The following PKMYT1 variants were observed in gnomAD, a reference collection of about 807,000 sequenced individuals.
PKMYT1 encodes protein kinase, membrane associated tyrosine/threonine 1, also known as membrane-associated tyrosine- and threonine-specific cdc2-inhibitory kinase.
Under a neutral mutation model 49.7 loss-of-function variants are expected in PKMYT1, and 35 were observed. The ratio of observed to expected loss-of-function variants is 0.70; its 90% CI spans 0.54 to 0.93. PKMYT1 has a LOEUF of 0.93. PKMYT1 is among the 40% of genes least tolerant of loss of function. The pLI, the probability that PKMYT1 is intolerant of heterozygous loss-of-function variation, is 0.00. For synonymous variants in PKMYT1, 331 were observed against 287.6 expected (o/e 1.15, Z -1.53); for missense variants, 677 against 673.1 (o/e 1.01, Z -0.06).
At chr16:2,978,747 C>CAAA (rs145730606) in intron 2 of PKMYT1, among the ~76,000 whole-genome samples, 2 of 133,844 alleles carry the variant, frequency 1.5e-5, no homozygotes, top group Admixed American at 7.4e-5. Context: ...GACTCTGTCT[C>CAAA]AAAAAAAAAA....
rs772113802 is a variant in PKMYT1 at position 2,973,074 on chromosome 16, G to C, written c.1389-10C>G. On this transcript the variant is annotated splice_polypyrimidine_tract_variant and intron_variant, in intron 8 of 8. Transcript: ENST00000262300. ...TAGGTCCAGGGCATCCCTGGGAGGA[G>C]AGAGTAGTGACACTCAGGATCCAAA... 1 of 1,589,448 alleles carries C rather than the reference G, an allele frequency of 6.3e-7. No individual in the cohort carries two copies. The highest frequency in any genetic ancestry group is 8.6e-7 in the Non-Finnish European group (1 of 1,167,784).
rs759932344 is a variant in PKMYT1, at chr16:2,975,780, C to T, written c.411G>A (p.Ala137=). ...VRSKEDGRLY[A]VKRSMSPFRG... is the part of the protein sequence containing the mutation. Reference sequence around the variant, plus strand: ...GGAATGGTGACATGGAACGCTTTACCGCATAGAGCCGGCCGTCCTCCTTGG... The same window carrying T: ...GGAATGGTGACATGGAACGCTTTACTGCATAGAGCCGGCCGTCCTCCTTGG... Residue 137 remains alanine, a synonymous_variant, in exon 4 of 9, where the codon GCG becomes GCA. Transcript: ENST00000262300. 50 of 1,597,796 alleles carry T rather than the reference C, an allele frequency of 3.1e-5. No individual in the cohort carries two copies. The highest frequency in any genetic ancestry group is 3.9e-5 in the Non-Finnish European group (46 of 1,178,730).
rs1384373339 is a variant in PKMYT1 at position 2,973,381 on chromosome 16, G to GA, written c.1311-167_1311-166insT. The GA allele has an allele frequency of 2.6e-6, 4 of 1,539,410 alleles. No individual in the cohort carries two copies. The African/African-American group carries it at 5.5e-5, about 21-fold the overall frequency. ...GCACTCTGAAAGCAGCACTTGGACA[G>GA]CCTTCAAAGTCCTTCCATCTGGCTG... On this transcript the variant is annotated intron_variant, in intron 7 of 8. Transcript: ENST00000262300.
chr16:2,973,161 G>C lies in PKMYT1; in HGVS notation c.1365C>G (p.Thr455=). ...ACCTGGGTGTGCACCTGCTCCGGGG[G>C]GTGGAGGTGCTCCCCACAGTCCGGG... ...VLARTVGSTS[T]PRSRCTPRDA... Residue 455 remains threonine, a synonymous_variant, in exon 8 of 9, where the codon ACC becomes ACG. Transcript: ENST00000262300. 6.5e-7 allele frequency: 1 copy of C among 1,538,960 alleles called. No homozygotes were observed. Among genetic ancestry groups the C allele is most frequent in the East Asian group, 2.3e-5 (1 of 43,094 alleles).
intron 2 of PKMYT1, chr16:2,977,387 A>G: frequency 3.0e-6 from 3 of 990,444 alleles, no homozygotes; most frequent in Non-Finnish European, 2.4e-6. Flanking sequence ...TAAACTACAC[A>G]ACCTCTTCCG....
At position 2,975,556 on chromosome 16, in the gene PKMYT1, C is replaced by A. The variant is rs752072941; in HGVS notation, c.635G>T (p.Gly212Val). The part of the protein sequence containing the change: ...GASLPEAQVW[G>V]YLRDTLLALA... ...GGCAAGCAGCGTGTCCCGCAGGTAG[C>A]CCCAGACCTGGGCCTCAGGCAGGCT... Residue 212 changes from glycine to valine, a missense_variant, in exon 4 of 9, where the codon GGC becomes GTC. Gly to Val is a moderately radical substitution (Grantham distance 109). Coordinates refer to ENST00000262300, the MANE Select transcript of PKMYT1 (RefSeq NM_004203.5). The A allele has an allele frequency of 3.7e-6, 6 of 1,611,916 alleles. No homozygotes were observed. The East Asian group carries it at 1.1e-4, about 30-fold the overall frequency.
At chr16:2,976,013 C>A in intron 3 of PKMYT1, 1 of 611,310 alleles carries the variant, frequency 1.6e-6, no homozygotes, top group Non-Finnish European at 2.8e-6. Context: ...TGTGGAGACC[C>A]AGCGACGGAG....
chr16:2,978,296 TAAG>T (rs946008317), intron 2 of PKMYT1, among the ~76,000 whole-genome samples: 4 of 152,288 alleles, frequency 2.6e-5, no homozygotes, highest in South Asian at 2.1e-4. Context: ...GGTGCGCCAT[TAAG>T]AAGAGACTGG....
At position 2,974,237 on chromosome 16, in the gene PKMYT1, G is replaced by A. The variant is rs935614152; in HGVS notation, c.1152+8C>T. 3.8e-6 allele frequency: 6 copies of A among 1,560,438 alleles called. No homozygotes were observed. Among genetic ancestry groups the A allele is most frequent in the South Asian group, 1.2e-5 (1 of 85,926 alleles). On this transcript the variant is annotated splice_region_variant and intron_variant, in intron 6 of 8. Transcript: ENST00000262300. The stretch of plus-strand genomic sequence containing the variant: ...CAGGGCAGGCAGCCGCCACTGTCGG[G>A]AGCTTACCTGCCACAGGGCCCACCC...
At position 2,974,599 on chromosome 16, in the gene PKMYT1, C is replaced by T. The variant is rs768797552; in HGVS notation, c.930G>A (p.Glu310=). The change falls in exon 5 of 9, where the codon GAG becomes GAA. Residue 310 remains glutamate (E), a synonymous_variant. Transcript: ENST00000262300. ...AGCCCTGGCGCAGCTGCTGCCAGCC[C>T]TCCCCACCGTGGGGCAGCTCCATGT... ...ACNMELPHGG[E]GWQQLRQGYL... 3.2e-6 allele frequency: 5 copies of T among 1,584,216 alleles called. No individual in the cohort carries two copies. The African/African-American group carries it at 6.7e-5, about 21-fold the overall frequency.
At chr16:2,978,139 T>A (rs2072248691) in intron 2 of PKMYT1, among the ~76,000 whole-genome samples, 1 of 152,114 alleles carries the variant, frequency 6.6e-6, no homozygotes, top group Non-Finnish European at 1.5e-5. Flanking sequence ...ACAGCATGGC[T>A]CAGACAGAGA....
intron 2 of PKMYT1, 178 bp from the exon 3 acceptor site, chr16:2,977,209 C>A: frequency 7.0e-7 from 1 of 1,423,288 alleles, no homozygotes; most frequent in Non-Finnish European, 9.2e-7. Context: ...CAGATTCATA[C>A]TCACCTGCCC....
intron 7 of PKMYT1, chr16:2,973,617 C>A: frequency 2.1e-6 from 1 of 467,298 alleles, no homozygotes; most frequent in Non-Finnish European, 3.8e-6. Flanking sequence ...TACAGCCTCT[C>A]ACTCAAGACA....
Position 2,975,303 on chromosome 16 carries a change from G to T in PKMYT1, c.872+16C>A, listed in dbSNP as rs376019375. 198 of 1,592,446 alleles carry T rather than the reference G, an allele frequency of 1.2e-4. No homozygotes were observed. Among genetic ancestry groups the T allele is most frequent in the Non-Finnish European group, 1.6e-4 (190 of 1,166,874 alleles). Reference sequence around the variant, plus strand: ...TCCCACAGCCTGCCAAACACCTGGCGTGCCCCGGTCCCCACCTGAACACAT... The same window carrying T: ...TCCCACAGCCTGCCAAACACCTGGCTTGCCCCGGTCCCCACCTGAACACAT... On this transcript the variant is annotated intron_variant, in intron 4 of 8. Coordinates refer to ENST00000262300, the MANE Select transcript of PKMYT1 (RefSeq NM_004203.5).
At position 2,974,291 on chromosome 16, in the gene PKMYT1, C is replaced by T; in HGVS notation, c.1106G>A (p.Trp369Ter). ...GCTCAGGGCCTCCGCTGCCATGCAC[C>T]ACAGCACACCCCAGGCCCGCGGCTG... Reference protein sequence around the residue: ...LRQPRAWGVLWCMAAEALSRG... With the variant: ...LRQPRAWGVL Residue 369 changes from tryptophan (W) to a stop codon, truncating the protein, a stop_gained, in exon 6 of 9, where the codon TGG (tryptophan) becomes TAG (stop). Coordinates refer to ENST00000262300, the MANE Select transcript of PKMYT1 (RefSeq NM_004203.5). LOFTEE classifies it high-confidence loss of function. The T allele has an allele frequency of 6.3e-7, 1 of 1,585,872 alleles. No homozygotes were observed. The highest frequency in any genetic ancestry group is 8.6e-7 in the Non-Finnish European group (1 of 1,166,722).
In PKMYT1 at chr16:2,975,708, G is replaced by A. The variant is rs766667227; in HGVS notation, c.483C>T (p.His161=). Residue 161 remains histidine, a synonymous_variant, in exon 4 of 9, where the codon CAC becomes CAT. Transcript: ENST00000262300. ...RARKLAEVGS[H]EKVGQHPCCV... is the part of the protein sequence containing the mutation. ...AGCATGGGTGCTGCCCCACCTTCTC[G>A]TGGCTGCCCACCTCGGCCAACTTGC... 3.1e-6 allele frequency: 5 copies of A among 1,607,560 alleles called. No individual in the cohort carries two copies. The highest frequency in any genetic ancestry group is 2.2e-5 in the East Asian group (1 of 44,876).
At position 2,973,077 on chromosome 16, in the gene PKMYT1, A is replaced by G. The variant is rs2072047320; in HGVS notation, c.1389-13T>C. On this transcript the variant is annotated splice_polypyrimidine_tract_variant and intron_variant, in intron 8 of 8. Coordinates refer to ENST00000262300, the MANE Select transcript of PKMYT1 (RefSeq NM_004203.5). ...GTCCAGGGCATCCCTGGGAGGAGAG[A>G]GTAGTGACACTCAGGATCCAAAAGC... 4 of 1,587,604 alleles carry G rather than the reference A, an allele frequency of 2.5e-6. No individual in the cohort carries two copies. The highest frequency in any genetic ancestry group is 3.4e-6 in the Non-Finnish European group (4 of 1,166,522).
chr16:2,978,021 T>G (rs1200861882), intron 2 of PKMYT1, among the ~76,000 whole-genome samples: 1 of 152,114 alleles, frequency 6.6e-6, no homozygotes, highest in Non-Finnish European at 1.5e-5. Context: ...GGCTCCACAC[T>G]GGGAGAGGGC....
rs868382093 is a variant in PKMYT1 at position 2,974,587 on chromosome 16, C to T, written c.942G>A (p.Gln314=). The change falls in exon 5 of 9, where the codon CAG becomes CAA. Residue 314 remains glutamine, a synonymous_variant. Coordinates refer to ENST00000262300, the MANE Select transcript of PKMYT1 (RefSeq NM_004203.5). ...CAGGGGGCAGGTAGCCCTGGCGCAG[C>T]TGCTGCCAGCCCTCCCCACCGTGGG... is the stretch of plus-strand genomic sequence containing the variant. The part of the protein sequence containing the change: ...ELPHGGEGWQ[Q]LRQGYLPPEF... 1 of 1,582,666 alleles carries T rather than the reference C, an allele frequency of 6.3e-7. No individual in the cohort carries two copies. The highest frequency in any genetic ancestry group is 8.6e-7 in the Non-Finnish European group (1 of 1,164,836).
Sources: gnomAD v4.1 joint callset for allele counts (sites outside exome capture counted in the v4.1 genomes callset) on GRCh38, gnomAD v4.1.1 for gene constraint, MANE v1.5 for transcripts, NCBI Gene and HGNC (gene_info 2026-07-23, HGNC 2026-07-21) for gene names.